The following GJC2 variants were observed in gnomAD, a reference collection of about 807,000 sequenced individuals.
GJC2 encodes gap junction protein gamma 2.
For synonymous variants in GJC2, 336 were observed against 307.5 expected (o/e 1.09, Z -0.97); for missense variants, 647 against 648.9 (o/e 1.00, Z 0.03).
At position 228,152,362 on chromosome 1, in the gene GJC2, C is replaced by T. The variant is rs552205022; in HGVS notation, c.-20+2355C>T. Among the ~76,000 whole-genome samples the T allele has an allele frequency of 3.3e-5, 5 of 152,272 alleles. No homozygotes were observed. The highest frequency in any genetic ancestry group is 9.6e-5 in the African/African-American group (4 of 41,566). ...GCCCCTGACCCTGTGCTACACCCAG[C>T]AGGGCGGGGCTCGTTCTGCAGTGCC... On this transcript the variant is annotated intron_variant, in intron 1 of 1. Transcript: ENST00000366714. The surrounding 1 kb of genome is among the most constrained non-coding windows in gnomAD (Gnocchi z 7.3).
Position 228,151,144 on chromosome 1 carries a change from C to T in GJC2, c.-20+1137C>T, listed in dbSNP as rs541287637. Among the ~76,000 whole-genome samples, 15 of 152,244 alleles carry T rather than the reference C, an allele frequency of 9.9e-5. No individual in the cohort carries two copies. In the South Asian group the frequency reaches 2.7e-3, roughly 27 times the overall value. On this transcript the variant is annotated intron_variant, in intron 1 of 1. Transcript: ENST00000366714. The surrounding 1 kb of genome is among the most constrained non-coding windows in gnomAD (Gnocchi z 5.4). The stretch of plus-strand genomic sequence containing the variant: ...AAGAACAGGCTGCAGGAGGGGCCCA[C>T]GCATTCACAGCGCCAACAACCCCAG...
In GJC2 at chr1:228,152,997, G is replaced by T. The variant is rs2034638495; in HGVS notation, c.-20+2990G>T. 6.6e-6 allele frequency among the ~76,000 whole-genome samples: 1 copy of T among 152,066 alleles called. No individual in the cohort carries two copies. Among genetic ancestry groups the T allele is most frequent in the South Asian group, 2.1e-4 (1 of 4,830 alleles). ...CTCTCCCCACCAATCCTCATTTTGG[G>T]CACCCTGGAGGTGTAGCTTTGGGGT... is the stretch of plus-strand genomic sequence containing the variant. On this transcript the variant is annotated intron_variant, in intron 1 of 1. Coordinates refer to ENST00000366714, the MANE Select transcript of GJC2 (RefSeq NM_020435.4). The surrounding 1 kb of genome is among the most constrained non-coding windows in gnomAD (Gnocchi z 7.3).
chr1:228,158,484 C>T lies in GJC2; in HGVS notation c.726C>T (p.Phe242=). ...YLLYGFEVRP[F]FPCSRQPCPH... The stretch of plus-strand genomic sequence containing the variant: ...TGTACGGCTTCGAGGTGCGACCGTT[C>T]TTTCCCTGCAGCCGCCAGCCCTGCC... The change falls in exon 2 of 2, where the codon TTC becomes TTT. Residue 242 remains phenylalanine (F), a synonymous_variant. Transcript: ENST00000366714. This position sits in a 1 kb window ranked among gnomAD's most constrained non-coding sequence, Gnocchi z 8.3. 6.2e-7 allele frequency: 1 copy of T among 1,612,430 alleles called. No homozygotes were observed. The highest frequency in any genetic ancestry group is 8.5e-7 in the Non-Finnish European group (1 of 1,179,626).
rs1488573688 is a variant in GJC2, at chr1:228,158,290, T to A, written c.532T>A (p.Cys178Ser). Residue 178 changes from cysteine to serine, a missense_variant, in exon 2 of 2, where the codon TGC becomes AGC. Coordinates refer to ENST00000366714, the MANE Select transcript of GJC2 (RefSeq NM_020435.4). This position sits in a 1 kb window ranked among gnomAD's most constrained non-coding sequence, Gnocchi z 8.3. ...GGAGGAGGCAGGCGCGGAGGAGGCG[T>A]GCACTAAGGCGGTCGGCGCTGACGG... is the stretch of plus-strand genomic sequence containing the variant. ...EAEEAGAEEA[C>S]TKAVGADGKA... The A allele has an allele frequency of 6.5e-7, 1 of 1,534,974 alleles. No homozygotes were observed.
rs966884018 is a variant in GJC2 at position 228,155,514 on chromosome 1, G to A, written c.-19-2226G>A. 5.9e-5 allele frequency among the ~76,000 whole-genome samples: 9 copies of A among 152,208 alleles called. No individual in the cohort carries two copies. The South Asian group carries it at 1.0e-3, about 17-fold the overall frequency. ...CTCTGCAGAGCAGAGTGGCATTTGGGTGTGGCCCTCTGGCAGTGGCTGTGC... is the reference window on the plus strand; with the variant it reads ...CTCTGCAGAGCAGAGTGGCATTTGGATGTGGCCCTCTGGCAGTGGCTGTGC... On this transcript the variant is annotated intron_variant, in intron 1 of 1. Transcript: ENST00000366714.
chr1:228,157,740 G>GGGCCCCCCCC lies in GJC2; in HGVS notation c.-19_-18insGGCCCCCCCC. The GGGCCCCCCCC allele has an allele frequency of 3.0e-6, 2 of 662,262 alleles. No individual in the cohort carries two copies. Among genetic ancestry groups the GGGCCCCCCCC allele is most frequent in the South Asian group, 1.7e-5 (1 of 57,382 alleles). 41.0% of individuals were successfully genotyped at this position (662,262 alleles called of 1,614,324 possible). On this transcript the variant is annotated splice_region_variant and 5_prime_UTR_variant, in exon 2 of 2. Transcript: ENST00000366714. ...GGCTGACCCCTACCCCGCCCCACAG[G>GGGCCCCCCCC]ACCCGCCCGCCCGCCCCTATGACCA...
Position 228,157,740 on chromosome 1 carries a change from G to GGGGGGGGGGGCCC in GJC2, c.-19_-18insGGGGGGGGGGCCC. 1 of 662,262 alleles carries GGGGGGGGGGGCCC rather than the reference G, an allele frequency of 1.5e-6. No homozygotes were observed. Among genetic ancestry groups the GGGGGGGGGGGCCC allele is most frequent in the Non-Finnish European group, 2.6e-6 (1 of 378,506 alleles). The allele number at this position is 662,262 out of a possible 1,614,324, so 41.0% of individuals were successfully genotyped here. On this transcript the variant is annotated splice_region_variant and 5_prime_UTR_variant, in exon 2 of 2. Transcript: ENST00000366714. ...GGCTGACCCCTACCCCGCCCCACAGGACCCGCCCGCCCGCCCCTATGACCA... is the reference window on the plus strand; with the variant it reads ...GGCTGACCCCTACCCCGCCCCACAGGGGGGGGGGGGCCCACCCGCCCGCCCGCCCCTATGACCA...
rs1281116059 is a variant in GJC2, at chr1:228,152,713, T to A, written c.-20+2706T>A. ...ACCCTGGCCTAGTAGCGAGCCCCCA[T>A]GAGACCCTGGTCCCCAGTATGAGAA... On this transcript the variant is annotated intron_variant, in intron 1 of 1. Transcript: ENST00000366714. This position sits in a 1 kb window ranked among gnomAD's most constrained non-coding sequence, Gnocchi z 7.3. 6.6e-6 allele frequency among the ~76,000 whole-genome samples: 1 copy of A among 150,872 alleles called. No individual in the cohort carries two copies. The highest frequency in any genetic ancestry group is 1.5e-5 in the Non-Finnish European group (1 of 67,762).
chr1:228,151,147 A>C lies in GJC2; in HGVS notation c.-20+1140A>C, dbSNP rs998204746. Among the ~76,000 whole-genome samples the C allele has an allele frequency of 6.6e-6, 1 of 152,042 alleles. No homozygotes were observed. The highest frequency in any genetic ancestry group is 2.4e-5 in the African/African-American group (1 of 41,400). ...AACAGGCTGCAGGAGGGGCCCACGC[A>C]TTCACAGCGCCAACAACCCCAGGGA... On this transcript the variant is annotated intron_variant, in intron 1 of 1. Transcript: ENST00000366714. This position sits in a 1 kb window ranked among gnomAD's most constrained non-coding sequence, Gnocchi z 5.4.
At position 228,159,140 on chromosome 1, in the gene GJC2, G is replaced by A; in HGVS notation, c.*62G>A. On this transcript the variant is annotated 3_prime_UTR_variant, in exon 2 of 2. Transcript: ENST00000366714. The surrounding 1 kb of genome is among the most constrained non-coding windows in gnomAD (Gnocchi z 4.0). ...GGTTGGGGGGCTCCGGTGGAAACCT[G>A]CGACCCCTTCTCCTCAGCCTTCTCC... 1 of 1,567,818 alleles carries A rather than the reference G, an allele frequency of 6.4e-7. No homozygotes were observed. Among genetic ancestry groups the A allele is most frequent in the Admixed American group, 1.7e-5 (1 of 59,172 alleles).
In GJC2 at chr1:228,158,798, A is replaced by G; in HGVS notation, c.1040A>G (p.Asp347Gly). The G allele has an allele frequency of 6.9e-7, 1 of 1,443,372 alleles. No individual in the cohort carries two copies. Among genetic ancestry groups the G allele is most frequent in the Non-Finnish European group, 9.1e-7 (1 of 1,101,222 alleles). The allele number at this position is 1,443,372 out of a possible 1,614,324, so 89.4% of individuals were successfully genotyped here. ...GCGGCCGAGCGCGCTCGGGCGCATG[A>G]CCAGAACCTGGCAAACCTGGCCCTG... ...VRAAERARAH[D>G]QNLANLALQA... is the part of the protein sequence containing the mutation. The change falls in exon 2 of 2, where the codon GAC (aspartate) becomes GGC (glycine). Residue 347 changes from aspartate to glycine, a missense_variant. Physicochemically the swap from Asp to Gly is moderately conservative, Grantham distance 94 (BLOSUM62 -1). Coordinates refer to ENST00000366714, the MANE Select transcript of GJC2 (RefSeq NM_020435.4). This position sits in a 1 kb window ranked among gnomAD's most constrained non-coding sequence, Gnocchi z 8.3.
At chr1:228,153,587 T>C (rs911368853) in intron 1 of GJC2, among the ~76,000 whole-genome samples, 87 of 138,722 alleles carry the variant, frequency 6.3e-4, no homozygotes, top group East Asian at 1.0e-3. Context: ...TTTTCTTTTT[T>C]TTTTTTTTTT....
chr1:228,158,923 G>T lies in GJC2; in HGVS notation c.1165G>T (p.Ala389Ser). ...AASRGPPRAG[A>S]PASRTGSATS... ...CTCCCGGGGGCCCCCCAGAGCAGGC[G>T]CCCCCGCGTCCCGGACGGGCAGTGC... Residue 389 changes from alanine (A) to serine (S), a missense_variant, in exon 2 of 2, where the codon GCC becomes TCC. Physicochemically the swap from Ala to Ser is moderately conservative, Grantham distance 99. Coordinates refer to ENST00000366714, the MANE Select transcript of GJC2 (RefSeq NM_020435.4). The surrounding 1 kb of genome is among the most constrained non-coding windows in gnomAD (Gnocchi z 8.3). The T allele has an allele frequency of 6.6e-7, 1 of 1,512,866 alleles. No individual in the cohort carries two copies. Among genetic ancestry groups the T allele is most frequent in the Non-Finnish European group, 8.8e-7 (1 of 1,136,790 alleles). The allele number at this position is 1,512,866 out of a possible 1,614,324, so 93.7% of individuals were successfully genotyped here. A position where few individuals can be genotyped will look rare whatever the true frequency, so the allele number is the denominator to read the frequency against.
chr1:228,153,264 C>T, intron 1 of GJC2, among the ~76,000 whole-genome samples: 1 of 151,950 alleles, frequency 6.6e-6, no homozygotes, highest in Admixed American at 6.6e-5. Context: ...TGGCTCATGC[C>T]TGTAATCCCA....
In GJC2 at chr1:228,158,949, T is replaced by A. The variant is rs1417076615; in HGVS notation, c.1191T>A (p.Ala397=). The A allele has an allele frequency of 1.3e-6, 2 of 1,571,384 alleles. No individual in the cohort carries two copies. Among genetic ancestry groups the A allele is most frequent in the East Asian group, 4.7e-5 (2 of 42,824 alleles). Residue 397 remains alanine, a synonymous_variant, in exon 2 of 2, where the codon GCT becomes GCA. Coordinates refer to ENST00000366714, the MANE Select transcript of GJC2 (RefSeq NM_020435.4). The surrounding 1 kb of genome is among the most constrained non-coding windows in gnomAD (Gnocchi z 8.3). ...AGAPASRTGS[A]TSAGTVGEQG... ...CCCCCGCGTCCCGGACGGGCAGTGC[T>A]ACCTCTGCGGGCACTGTCGGGGAGC...
chr1:228,156,475 G>GTGTGTGTGCACATGTGAA (rs1491489252), intron 1 of GJC2, among the ~76,000 whole-genome samples: 3 of 152,236 alleles, frequency 2.0e-5, no homozygotes, highest in Non-Finnish European at 4.4e-5. Flanking sequence ...ATGTATCTGA[G>GTGTGTGTGCACATGTGAA]TGTGTGTGCA....
At chr1:228,155,114 A>G (rs1298258883) in intron 1 of GJC2, among the ~76,000 whole-genome samples, 1 of 152,212 alleles carries the variant, frequency 6.6e-6, no homozygotes, top group African/African-American at 2.4e-5. Context: ...CACATGGAAT[A>G]GTCACTAGCA....
At position 228,158,750 on chromosome 1, in the gene GJC2, C is replaced by T; in HGVS notation, c.992C>T (p.Pro331Leu). The T allele has an allele frequency of 7.2e-7, 1 of 1,381,958 alleles. No homozygotes were observed. Among genetic ancestry groups the T allele is most frequent in the Non-Finnish European group, 9.4e-7 (1 of 1,066,362 alleles). The allele number at this position is 1,381,958 out of a possible 1,614,324, so 85.6% of individuals were successfully genotyped here. The change falls in exon 2 of 2, where the codon CCC (proline) becomes CTC (leucine). Residue 331 changes from proline to leucine, a missense_variant. Physicochemically the swap from Pro to Leu is moderately conservative, Grantham distance 98. Transcript: ENST00000366714. The surrounding 1 kb of genome is among the most constrained non-coding windows in gnomAD (Gnocchi z 8.3). ...PAAAAGLACP[P>L]DYSLVVRAAE... is the part of the protein sequence containing the mutation. ...GCGGCCGCTGGCTTGGCCTGCCCGC[C>T]CGACTACAGCCTGGTGGTGCGGGCG...
chr1:228,153,534 A>G (rs990773826), intron 1 of GJC2, among the ~76,000 whole-genome samples: 5 of 149,728 alleles, frequency 3.3e-5, no homozygotes, highest in Non-Finnish European at 7.4e-5. Flanking sequence ...GTACAAGCGC[A>G]CCACCATGCC....
Sources: gnomAD v4.1 joint callset for allele counts (sites outside exome capture counted in the v4.1 genomes callset) on GRCh38, gnomAD v4.1.1 for gene constraint, Gnocchi (gnomAD v3.1) non-coding constraint, MANE v1.5 for transcripts, NCBI Gene and HGNC (gene_info 2026-07-23, HGNC 2026-07-21) for gene names.